The following IPO8 variants were observed in gnomAD, a reference collection of about 807,000 sequenced individuals.
IPO8 encodes the protein importin 8, also known as importin-8.
A neutral mutation model predicts 141.2 loss-of-function variants in IPO8; 65 were observed. The observed-to-expected ratio is 0.46, with a 90% CI of 0.38 to 0.57. The LOEUF (loss-of-function observed/expected upper bound fraction) is 0.57, where lower values mean the gene tolerates loss of function less well. Ranked by LOEUF, IPO8 falls within the 20% of genes least tolerant of loss-of-function variation. IPO8 has a pLI of 0.00. For synonymous variants in IPO8, 411 were observed against 420.3 expected, an observed-to-expected ratio of 0.98 and a Z score of 0.27; for missense variants, 980 against 1,246.8, an observed-to-expected ratio of 0.79 and a Z score of 3.22.
rs1274452291 is a variant in IPO8 at position 30,630,865 on chromosome 12, T to G, written c.3109A>C (p.Asn1037His). ...GTCAGCTGATGTTCTTTCCTTCAGT[T>G]GTTGCTGGGCACAGTCCCAAAATTA... is the stretch of plus-strand genomic sequence containing the variant. ...AFNFGTVPSN[N>H] is the part of the protein sequence containing the mutation. Residue 1037 changes from asparagine to histidine, a missense_variant, in exon 25 of 25, where the codon AAC (asparagine) becomes CAC (histidine). Around this residue, in one of 3 missense-constraint regions of IPO8, gnomAD observed 924 missense variants for 1,153.9 expected, o/e 0.80. Transcript: ENST00000256079. 2.5e-6 allele frequency: 4 copies of G among 1,611,434 alleles called. No homozygotes were observed. Among genetic ancestry groups the G allele is most frequent in the Middle Eastern group, 1.7e-4 (1 of 5,810 alleles).
At position 30,634,132 on chromosome 12, in the gene IPO8, G is replaced by C. The variant is rs764443631; in HGVS notation, c.2850C>G (p.Asp950Glu). Residue 950 changes from aspartate (D) to glutamate (E), a missense_variant, in exon 23 of 25, where the codon GAC (aspartate) becomes GAG (glutamate). Transcript: ENST00000256079. ...TALEGFSTPLDLDNSVDEYQF... is the reference protein window; with the variant it reads ...TALEGFSTPLELDNSVDEYQF... ...GATATTCATCCACACTATTGTCAAG[G>C]TCAAGTGGAGTACTGAACCCCTCAA... 1.2e-5 allele frequency: 20 copies of C among 1,613,774 alleles called. No individual in the cohort carries two copies. Among genetic ancestry groups the C allele is most frequent in the Non-Finnish European group, 1.6e-5 (19 of 1,179,872 alleles).
At chr12:30,642,189 C>T (rs1390403318) in intron 20 of IPO8, among the ~76,000 whole-genome samples, 6 of 151,440 alleles carry the variant, frequency 4.0e-5, no homozygotes, top group Non-Finnish European at 8.8e-5. Context: ...GGTACAAGAG[C>T]GAGACTTCAT....
At chr12:30,654,350 C>T (rs1168241719) in intron 17 of IPO8, among the ~76,000 whole-genome samples, 1 of 150,522 alleles carries the variant, frequency 6.6e-6, no homozygotes, top group East Asian at 1.9e-4. Context: ...CCAAAGCACA[C>T]ACAACAAAAG....
At chr12:30,645,388 GAGAC>G in intron 20 of IPO8, among the ~76,000 whole-genome samples, 1 of 145,890 alleles carries the variant, frequency 6.9e-6, no homozygotes, top group East Asian at 2.0e-4. Context: ...AAAAAAAAAA[GAGAC>G]AGAGAGAGAA....
At chr12:30,684,026 C>T (rs1324473256) in intron 3 of IPO8, among the ~76,000 whole-genome samples, 1 of 152,154 alleles carries the variant, frequency 6.6e-6, no homozygotes, top group Non-Finnish European at 1.5e-5. Context: ...AGTAGCAAGA[C>T]TTACACAATT....
chr12:30,684,870 G>T (rs1239665150), intron 2 of IPO8, among the ~76,000 whole-genome samples: 1 of 151,974 alleles, frequency 6.6e-6, no homozygotes, highest in African/African-American at 2.4e-5. Context: ...TAGCATTTTG[G>T]GGTATCTCTT....
rs146713024 is a variant in IPO8, at chr12:30,695,618, C to G, written c.30G>C (p.Leu10=). 8.7e-6 allele frequency: 14 copies of G among 1,614,054 alleles called. No individual in the cohort carries two copies. The African/African-American group carries it at 1.7e-4, about 20-fold the overall frequency. ...GCAACTTCGGGTCGATGGTGCCCTT[C>G]AGCGCCTGGATGATCCGGTTGAGGT... is the stretch of plus-strand genomic sequence containing the variant. MDLNRIIQA[L]KGTIDPKLRI... is the part of the protein sequence containing the mutation. Residue 10 remains leucine (L), a synonymous_variant, in exon 1 of 25, where the codon CTG becomes CTC. Transcript: ENST00000256079. This position sits in a 1 kb window ranked among gnomAD's most constrained non-coding sequence, Gnocchi z 4.2.
At chr12:30,685,228 C>G (rs1289071023) in intron 2 of IPO8, among the ~76,000 whole-genome samples, 4 of 151,602 alleles carry the variant, frequency 2.6e-5, no homozygotes, top group Non-Finnish European at 5.9e-5. Flanking sequence ...CAACCTCTGT[C>G]TCCCGGGTTC....
chr12:30,641,802 A>C (rs1285833267), intron 20 of IPO8, among the ~76,000 whole-genome samples: 1 of 152,194 alleles, frequency 6.6e-6, no homozygotes, highest in Non-Finnish European at 1.5e-5. Context: ...TAAAGCAAGC[A>C]AGTAATTAAG....
Position 30,637,064 on chromosome 12 carries a change from G to C in IPO8, c.2613C>G (p.Gly871=), listed in dbSNP as rs1451194290. The C allele has an allele frequency of 5.6e-6, 9 of 1,613,892 alleles. No individual in the cohort carries two copies. The highest frequency in any genetic ancestry group is 6.8e-6 in the Non-Finnish European group (8 of 1,179,936). The part of the protein sequence containing the change: ...IVPSILFLFL[G]LKQVCATRQL... Reference sequence around the variant, plus strand: ...GTCTAGTAGCACAGACCTGCTTTAGGCCAAGGAAAAGGAAAAGAATTGAGG... The same window carrying C: ...GTCTAGTAGCACAGACCTGCTTTAGCCCAAGGAAAAGGAAAAGAATTGAGG... Residue 871 remains glycine, a synonymous_variant, in exon 22 of 25, where the codon GGC becomes GGG. Transcript: ENST00000256079.
intron 17 of IPO8, 114 bp downstream of exon 17, chr12:30,656,570 C>A: frequency 1.8e-6 from 1 of 549,996 alleles, no homozygotes. Flanking sequence ...AGTGATTATG[C>A]TTCTCTTTCT....
intron 12 of IPO8, 41 bp from the exon 13 acceptor site, chr12:30,665,350 T>C (rs777787703): frequency 9.0e-7 from 1 of 1,115,216 alleles, no homozygotes; most frequent in African/African-American, 1.6e-5. Flanking sequence ...TTCTTTTTCA[T>C]ACGTAAGAAT....
Position 30,637,178 on chromosome 12 carries a change from G to A in IPO8, c.2499C>T (p.Asp833=). The change falls in exon 22 of 25, where the codon GAC becomes GAT. Residue 833 remains aspartate, a synonymous_variant. Coordinates refer to ENST00000256079, the MANE Select transcript of IPO8 (RefSeq NM_006390.4). ...TCAGTCCTATTATACACATCTTCCG[G>A]TCATGATGCCTGCAAATTTTGAAGA... is the stretch of plus-strand genomic sequence containing the variant. ...NDTDCFLGHH[D]RKMCIIGLSI... 6.2e-7 allele frequency: 1 copy of A among 1,611,936 alleles called. No homozygotes were observed.
intron 5 of IPO8, among the ~76,000 whole-genome samples, chr12:30,677,423 G>A (rs1376578589): frequency 2.6e-5 from 4 of 152,146 alleles, no homozygotes; most frequent in Admixed American, 6.5e-5. Flanking sequence ...AACTGGTAAT[G>A]ACAACTATGC....
intron 2 of IPO8, among the ~76,000 whole-genome samples, chr12:30,687,897 C>T (rs1176383330): frequency 6.6e-6 from 1 of 152,054 alleles, no homozygotes; most frequent in Admixed American, 6.5e-5. Context: ...AAGGAGCAGG[C>T]AAACTTATAG....
chr12:30,667,016 C>G (rs1472135311), intron 10 of IPO8, among the ~76,000 whole-genome samples: 1 of 152,270 alleles, frequency 6.6e-6, no homozygotes, highest in South Asian at 2.1e-4. Flanking sequence ...TCAGAATAGG[C>G]AGTTTTACAT....
intron 21 of IPO8, 131 bp from the exon 22 acceptor site, chr12:30,637,318 C>G: frequency 2.9e-6 from 2 of 701,536 alleles, no homozygotes; most frequent in East Asian, 2.6e-5. Flanking sequence ...CAGAGACATT[C>G]CCTGTTTTGT....
In IPO8 at chr12:30,695,481, AG is replaced by A. The variant is rs1238950661; in HGVS notation, c.84+82del. ...CCCCAGCCCGGTGGGGGTGAGGACGAGGGGCGCCGGGGAGAGGGAGCCCGGC... is the reference window on the plus strand; with the variant it reads ...CCCCAGCCCGGTGGGGGTGAGGACGAGGGCGCCGGGGAGAGGGAGCCCGGC... On this transcript the variant is annotated intron_variant, in intron 1 of 24. Coordinates refer to ENST00000256079, the MANE Select transcript of IPO8 (RefSeq NM_006390.4). The surrounding 1 kb of genome is among the most constrained non-coding windows in gnomAD (Gnocchi z 4.2). The A allele has an allele frequency of 1.6e-6, 2 of 1,231,688 alleles. No homozygotes were observed. Among genetic ancestry groups the A allele is most frequent in the East Asian group, 4.8e-5 (2 of 42,046 alleles). The allele number at this position is 1,231,688 out of a possible 1,614,324, so 76.3% of individuals were successfully genotyped here. A position where few individuals can be genotyped will look rare whatever the true frequency, so the allele number is the denominator to read the frequency against.
Position 30,652,302 on chromosome 12 carries a change from C to A in IPO8, c.2075-13G>T, listed in dbSNP as rs200328149. 237 of 1,451,768 alleles carry A rather than the reference C, an allele frequency of 1.6e-4. No individual in the cohort carries two copies. The African/African-American group carries it at 2.9e-3, about 18-fold the overall frequency. The allele number at this position is 1,451,768 out of a possible 1,614,324, so 89.9% of individuals were successfully genotyped here. Reference sequence around the variant, plus strand: ...AGAGGCATCATGTCTGAAAAAAAATCAAAATCCCAATGAGACTTGAGTGAC... The same window carrying A: ...AGAGGCATCATGTCTGAAAAAAAATAAAAATCCCAATGAGACTTGAGTGAC... On this transcript the variant is annotated splice_polypyrimidine_tract_variant and intron_variant, in intron 18 of 24. Transcript: ENST00000256079.
Sources: allele counts gnomAD v4.1 joint callset (sites outside exome capture counted in the v4.1 genomes callset), GRCh38; gene constraint gnomAD v4.1.1; regional missense constraint gnomAD v4.1.1; non-coding constraint Gnocchi (gnomAD v3.1); transcripts MANE v1.5; gene names NCBI Gene and HGNC (gene_info 2026-07-23, HGNC 2026-07-21).